GPM6A: variants seen among roughly 807,000 people sequenced by gnomAD.
GPM6A encodes the protein neuronal membrane glycoprotein M6-a.
GPM6A carries 7 observed loss-of-function variants against 32.1 expected under a neutral mutation model. The ratio of observed to expected loss-of-function variants is 0.22; its 90% CI spans 0.12 to 0.41. GPM6A has a LOEUF of 0.41. GPM6A is among the 10% of genes least tolerant of loss of function. The probability of loss-of-function intolerance (pLI) is 1.00; values close to 1 mark genes in which losing one functional copy is unlikely to be tolerated. For synonymous variants in GPM6A, 130 were observed against 123.4 expected, an observed-to-expected ratio of 1.05 and a Z score of -0.35; for missense variants, 235 against 347.2, an observed-to-expected ratio of 0.68 and a Z score of 2.57.
chr4:175,641,355 C>T (rs1462356377), intron 4 of GPM6A: 1 of 153,804 alleles, frequency 6.5e-6, no homozygotes, highest in East Asian at 1.9e-4. Context: ...GGTTCATAGA[C>T]CAACAGCATT....
Position 175,823,914 on chromosome 4 carries a change from A to G in GPM6A, c.-22-11665T>C, listed in dbSNP as rs537760224. On this transcript the variant is annotated intron_variant, in intron 1 of 7. Transcript: ENST00000280187. ...AGGCTGGGAGCCTGGACTTCTCCCA[A>G]TGGGCAATCAAGGTGAAAGGCCCTT... Among the ~76,000 whole-genome samples the G allele has an allele frequency of 1.6e-4, 24 of 152,274 alleles. 1 individual carries two copies. Among genetic ancestry groups the G allele is most frequent in the African/African-American group, 5.3e-4 (22 of 41,566 alleles).
chr4:175,756,176 G>C (rs1732517677), intron 1 of GPM6A, among the ~76,000 whole-genome samples: 1 of 152,032 alleles, frequency 6.6e-6, no homozygotes. Flanking sequence ...CTTAAGGAAA[G>C]AAGAGAGAGT....
At chr4:175,772,340 A>G (rs76853743) in intron 1 of GPM6A, among the ~76,000 whole-genome samples, 44 of 152,322 alleles carry the variant, frequency 2.9e-4, no homozygotes, top group African/African-American at 1.0e-3. Flanking sequence ...TAAAAGCCTC[A>G]GGAAAGGCTG....
intron 1 of GPM6A, among the ~76,000 whole-genome samples, chr4:175,865,346 T>C (rs897588824): frequency 6.6e-6 from 1 of 152,190 alleles, no homozygotes; most frequent in Non-Finnish European, 1.5e-5. Context: ...TGATAAGTAT[T>C]GTTGTCAGAT....
intron 6 of GPM6A, among the ~76,000 whole-genome samples, chr4:175,637,807 T>C (rs1740886343): frequency 9.0e-6 from 1 of 111,668 alleles, no homozygotes; most frequent in African/African-American, 3.5e-5. Context: ...AAATATATAA[T>C]CTATTTATAT....
At chr4:175,794,836 G>C (rs1734154963) in intron 1 of GPM6A, among the ~76,000 whole-genome samples, 1 of 7,960 alleles carries the variant, frequency 1.3e-4, no homozygotes, top group Non-Finnish European at 2.8e-4. Flanking sequence ...TTTGCTTTGG[G>C]CCATATTATA....
chr4:175,659,281 T>C (rs1056099159), intron 3 of GPM6A, among the ~76,000 whole-genome samples: 2 of 152,070 alleles, frequency 1.3e-5, no homozygotes, highest in African/African-American at 2.4e-5. Flanking sequence ...GGTTTCACCA[T>C]GTTGCCCAGG....
chr4:175,746,262 T>A (rs1172864161), intron 1 of GPM6A, among the ~76,000 whole-genome samples: 1 of 152,090 alleles, frequency 6.6e-6, no homozygotes, highest in Non-Finnish European at 1.5e-5. Context: ...ACAAGAAACA[T>A]GATCTAAACA....
intron 1 of GPM6A, among the ~76,000 whole-genome samples, chr4:175,863,762 G>A (rs1425827679): frequency 6.6e-6 from 1 of 152,154 alleles, no homozygotes; most frequent in Non-Finnish European, 1.5e-5. Flanking sequence ...AATACTTTGG[G>A]ATGCCGAGGT....
intron 4 of GPM6A, among the ~76,000 whole-genome samples, chr4:175,650,307 T>C (rs1361933203): frequency 9.3e-6 from 1 of 107,048 alleles, no homozygotes; most frequent in Non-Finnish European, 1.9e-5. Context: ...TATTTATTTA[T>C]TTATTTATTT....
At chr4:175,703,672 G>C (rs948656832) in intron 1 of GPM6A, among the ~76,000 whole-genome samples, 1 of 152,220 alleles carries the variant, frequency 6.6e-6, no homozygotes, top group South Asian at 2.1e-4. Flanking sequence ...GCTATTGCTA[G>C]ATATCTTCTA....
chr4:175,634,602 A>G lies in GPM6A; in HGVS notation c.*303T>C. The G allele has an allele frequency of 3.7e-6, 1 of 267,316 alleles. No homozygotes were observed. Among genetic ancestry groups the G allele is most frequent in the Non-Finnish European group, 7.0e-6 (1 of 142,156 alleles). The allele number at this position is 267,316 out of a possible 1,614,324, so 16.6% of individuals were successfully genotyped here. A position where few individuals can be genotyped will look rare whatever the true frequency, so the allele number is the denominator to read the frequency against. ...AACACATGGGAAGTGGTTAAAAATC[A>G]AACAAATCTTTGCATTTGACAATGT... On this transcript the variant is annotated 3_prime_UTR_variant, in exon 7 of 7. Coordinates refer to ENST00000393658, the MANE Select transcript of GPM6A (RefSeq NM_201591.3).
chr4:175,709,072 A>T (rs1745381279), intron 1 of GPM6A, among the ~76,000 whole-genome samples: 1 of 152,220 alleles, frequency 6.6e-6, no homozygotes, highest in South Asian at 2.1e-4. Flanking sequence ...AATTTCTGTA[A>T]GCATACGTAA....
At chr4:175,957,379 AG>A (rs1284706774) in intron 1 of GPM6A, among the ~76,000 whole-genome samples, 2 of 152,226 alleles carry the variant, frequency 1.3e-5, no homozygotes, top group African/African-American at 2.4e-5. Context: ...ACAAATTCAT[AG>A]GTAAGTCCCT....
chr4:175,914,893 C>G (rs1429382382), intron 1 of GPM6A, among the ~76,000 whole-genome samples: 1 of 152,144 alleles, frequency 6.6e-6, no homozygotes, highest in Non-Finnish European at 1.5e-5. Flanking sequence ...TTTCCTTTCA[C>G]AAGACACACC....
At chr4:175,946,191 A>C (rs982931901) in intron 1 of GPM6A, among the ~76,000 whole-genome samples, 4 of 152,266 alleles carry the variant, frequency 2.6e-5, no homozygotes, top group Non-Finnish European at 5.9e-5. Context: ...AAAGTTAATG[A>C]GGAAGTTAAA....
rs114154308 is a variant in GPM6A, at chr4:175,984,392, G to A, written c.-23+17917C>T. On this transcript the variant is annotated intron_variant, in intron 1 of 7. Coordinates refer to the GPM6A transcript ENST00000280187. ...GTCAGCCAGGATGGTCTTGATCTCC[G>A]GACCTTGTGATCTACCCACCTTGGC... 4.2e-3 allele frequency among the ~76,000 whole-genome samples: 642 copies of A among 151,890 alleles called. 2 individuals carry two copies. The highest frequency in any genetic ancestry group is 0.017 in the Middle Eastern group (5 of 294).
At chr4:175,985,549 T>C (rs557179408) in intron 1 of GPM6A, among the ~76,000 whole-genome samples, 3 of 152,302 alleles carry the variant, frequency 2.0e-5, no homozygotes, top group Admixed American at 2.0e-4. Context: ...TTTCCACTTA[T>C]ATGTTTTCTT....
chr4:175,896,127 A>C (rs1427846013), intron 1 of GPM6A, among the ~76,000 whole-genome samples: 1 of 152,208 alleles, frequency 6.6e-6, no homozygotes, highest in Non-Finnish European at 1.5e-5. Context: ...ACTAGTTTCC[A>C]TCCTGGAAGA....
Sources: gnomAD v4.1 joint callset for allele counts (sites outside exome capture counted in the v4.1 genomes callset) on GRCh38, gnomAD v4.1.1 for gene constraint, MANE v1.5 for transcripts, NCBI Gene and HGNC (gene_info 2026-07-23, HGNC 2026-07-21) for gene names.